CHIC2: variants seen among roughly 807,000 people sequenced by gnomAD.
CHIC2 encodes the protein cysteine rich hydrophobic domain 2, also known as cysteine-rich hydrophobic domain-containing protein 2.
A neutral mutation model predicts 25.9 loss-of-function variants in CHIC2; 14 were observed. The ratio of observed to expected loss-of-function variants is 0.54; its 90% CI spans 0.36 to 0.85. CHIC2 has a LOEUF of 0.85. Ranked by LOEUF, CHIC2 falls within the 40% of genes least tolerant of loss-of-function variation. The pLI is 0.01. For missense variants in CHIC2, 146 were observed against 202.0 expected (o/e 0.72, Z 1.68); for synonymous variants, 70 against 72.0 (o/e 0.97, Z 0.14).
At chr4:54,085,357 G>A in the CHIC2 span, among the ~76,000 whole-genome samples, 1 of 152,090 alleles carries the variant, frequency 6.6e-6, no homozygotes, top group Non-Finnish European at 1.5e-5. Flanking sequence ...CAATTATTAC[G>A]AAGTATCTGT....
intron 3 of CHIC2, among the ~76,000 whole-genome samples, chr4:54,031,279 C>T (rs1308922301): frequency 6.6e-6 from 1 of 151,892 alleles, no homozygotes; most frequent in Non-Finnish European, 1.5e-5. Context: ...TATCACACTG[C>T]TCCTACAGCA....
chr4:54,067,937 T>C (rs1717551306), upstream of CHIC2, among the ~76,000 whole-genome samples: 1 of 140,446 alleles, frequency 7.1e-6, no homozygotes, highest in South Asian at 2.6e-4. Flanking sequence ...CCCAAATTCA[T>C]ATGTTGAAGC....
the CHIC2 span, among the ~76,000 whole-genome samples, chr4:54,072,632 C>A: frequency 6.6e-6 from 1 of 152,188 alleles, no homozygotes; most frequent in South Asian, 2.1e-4. Context: ...AGAACTATGA[C>A]TTAGTTATTC....
chr4:54,018,205 A>G (rs942320789), intron 3 of CHIC2, among the ~76,000 whole-genome samples: 5 of 152,148 alleles, frequency 3.3e-5, no homozygotes, highest in African/African-American at 1.2e-4. Flanking sequence ...CCCAAATAAG[A>G]CATACCTTCC....
intron 1 of CHIC2, chr4:54,060,342 T>C (rs1400725277): frequency 6.6e-6 from 1 of 152,140 alleles, no homozygotes; most frequent in Non-Finnish European, 1.5e-5. Context: ...GGATAAGGAA[T>C]TATTTGTGGA....
chr4:54,053,368 C>A lies in CHIC2; in HGVS notation c.120-4063G>T, dbSNP rs151116670. ...GGTCAGGAGTTCGAGACCAACCTGGCCAACATGGTGAAACCCCATCACTAC... is the reference window on the plus strand; with the variant it reads ...GGTCAGGAGTTCGAGACCAACCTGGACAACATGGTGAAACCCCATCACTAC... On this transcript the variant is annotated intron_variant, in intron 1 of 5. Coordinates refer to ENST00000263921, the MANE Select transcript of CHIC2 (RefSeq NM_012110.4). Among the ~76,000 whole-genome samples the A allele has an allele frequency of 3.0e-3, 451 of 152,110 alleles. 3 individuals are homozygous for A. The highest frequency in any genetic ancestry group is 0.01 in the African/African-American group (426 of 41,496).
chr4:54,060,483 T>G (rs1446110396), intron 1 of CHIC2: 1 of 152,116 alleles, frequency 6.6e-6, no homozygotes, highest in Non-Finnish European at 1.5e-5. Context: ...TCAAAGATTA[T>G]ACATACTCTA....
At chr4:54,046,997 C>A (rs566153871) in intron 3 of CHIC2, among the ~76,000 whole-genome samples, 1 of 152,164 alleles carries the variant, frequency 6.6e-6, no homozygotes, top group Admixed American at 6.5e-5. Context: ...AGGATATGAA[C>A]AGACACTTCT....
chr4:54,070,856 T>C, the CHIC2 span, among the ~76,000 whole-genome samples: 15 of 152,136 alleles, frequency 9.9e-5, no homozygotes, highest in Non-Finnish European at 2.1e-4. Context: ...GTAAATCATA[T>C]CCCCTCCATC....
intron 1 of CHIC2, 30 bp from the exon 2 acceptor site, chr4:54,049,335 T>C: frequency 6.9e-7 from 1 of 1,454,152 alleles, no homozygotes; most frequent in Non-Finnish European, 9.5e-7. Context: ...GAATATGTTA[T>C]TACATGTTAT....
chr4:54,064,533 C>G lies in CHIC2; in HGVS notation c.-233G>C. On this transcript the variant is annotated 5_prime_UTR_variant, in exon 1 of 6. Transcript: ENST00000263921. This position sits in a 1 kb window ranked among gnomAD's most constrained non-coding sequence, Gnocchi z 4.2. ...AATAACAACAACACAATGTCAACAT[C>G]CGCCCAGAGGCCGACACCTCCACAA... The G allele has an allele frequency of 6.5e-6, 9 of 1,374,978 alleles. No individual in the cohort carries two copies. The highest frequency in any genetic ancestry group is 8.4e-6 in the Non-Finnish European group (9 of 1,069,356). The allele number at this position is 1,374,978 out of a possible 1,614,324, so 85.2% of individuals were successfully genotyped here.
chr4:54,049,328 T>C (rs765227434), intron 1 of CHIC2, 23 bp from the exon 2 acceptor site: 6 of 1,491,360 alleles, frequency 4.0e-6, no homozygotes, highest in African/African-American at 1.4e-5. Flanking sequence ...ATAAGAAGAA[T>C]ATGTTATTAC....
chr4:54,025,954 A>C (rs1716045695), intron 3 of CHIC2, among the ~76,000 whole-genome samples: 2 of 152,102 alleles, frequency 1.3e-5, no homozygotes, highest in Admixed American at 1.3e-4. Context: ...AGAAACAAGA[A>C]GAGATAAGGA....
At chr4:54,049,639 G>T (rs1367499009) in intron 1 of CHIC2, among the ~76,000 whole-genome samples, 2 of 152,114 alleles carry the variant, frequency 1.3e-5, no homozygotes, top group African/African-American at 4.8e-5. Flanking sequence ...TTTAATGGGT[G>T]GGATAGCGAT....
the CHIC2 span, among the ~76,000 whole-genome samples, chr4:54,082,452 G>C: frequency 3.3e-5 from 5 of 151,954 alleles, no homozygotes; most frequent in African/African-American, 9.7e-5. Flanking sequence ...AAACATCTAC[G>C]GTCTACATGG....
chr4:54,064,163 G>A lies in CHIC2; in HGVS notation c.119+19C>T. On this transcript the variant is annotated intron_variant, in intron 1 of 5. Coordinates refer to ENST00000263921, the MANE Select transcript of CHIC2 (RefSeq NM_012110.4). The surrounding 1 kb of genome is among the most constrained non-coding windows in gnomAD (Gnocchi z 4.2). ...ACCCCAGCCCGCACCTCCCGCCCTC[G>A]CCCTCCTCCGGGCCTTACACGGTGA... The A allele has an allele frequency of 6.3e-7, 1 of 1,588,422 alleles. No individual in the cohort carries two copies. The highest frequency in any genetic ancestry group is 8.6e-7 in the Non-Finnish European group (1 of 1,166,524).
chr4:54,037,462 G>A (rs1716423716), intron 3 of CHIC2, among the ~76,000 whole-genome samples: 1 of 152,160 alleles, frequency 6.6e-6, no homozygotes, highest in African/African-American at 2.4e-5. Context: ...GTGCCAGAAA[G>A]CAGATCAGCA....
At chr4:54,067,500 A>G (rs1163300129), upstream of CHIC2, among the ~76,000 whole-genome samples, 1 of 152,046 alleles carries the variant, frequency 6.6e-6, no homozygotes, top group Non-Finnish European at 1.5e-5. Flanking sequence ...AGTTTCCTGT[A>G]AAACTCCTCC....
At chr4:54,028,217 C>T (rs1716120024) in intron 3 of CHIC2, among the ~76,000 whole-genome samples, 1 of 152,114 alleles carries the variant, frequency 6.6e-6, no homozygotes, top group African/African-American at 2.4e-5. Context: ...AACCCATAGG[C>T]CTGAATTTCC....
Sources: gnomAD v4.1 joint callset for allele counts (sites outside exome capture counted in the v4.1 genomes callset) on GRCh38, gnomAD v4.1.1 for gene constraint, Gnocchi (gnomAD v3.1) non-coding constraint, MANE v1.5 for transcripts, NCBI Gene and HGNC (gene_info 2026-07-23, HGNC 2026-07-21) for gene names.